The following ZC3H13 variants were observed in gnomAD, a reference collection of about 807,000 sequenced individuals.
The protein encoded by ZC3H13 is zinc finger CCCH-type containing 13.
A neutral mutation model predicts 204.1 loss-of-function variants in ZC3H13; 64 were observed. That is an observed-to-expected ratio of 0.31 (90% CI 0.26 to 0.39). ZC3H13 has a LOEUF of 0.39. Ranked by LOEUF, ZC3H13 falls within the 10% of genes least tolerant of loss-of-function variation. ZC3H13 has a pLI of 1.00. For missense variants in ZC3H13, 1,833 were observed against 2,082.7 expected (o/e 0.88, Z 2.33); for synonymous variants, 667 against 693.7 (o/e 0.96, Z 0.60).
chr13:46,010,232 A>T, intron 7 of ZC3H13, 116 bp downstream of exon 7: 1 of 1,081,460 alleles, frequency 9.2e-7, no homozygotes, highest in East Asian at 2.8e-5. Flanking sequence ...TTTAGAACAA[A>T]AAAGCTTACA....
chr13:46,045,529 A>C lies in ZC3H13; in HGVS notation c.-9-13T>G. On this transcript the variant is annotated splice_polypyrimidine_tract_variant and intron_variant, in intron 1 of 18. Coordinates refer to ENST00000679008, the MANE Select transcript of ZC3H13 (RefSeq NM_001330564.2). ...ACATTTTGTACTACTTCAACCAAAA[A>C]AGAAAGAGGCAAAACTGTAAAATTC... 2 of 1,583,572 alleles carry C rather than the reference A, an allele frequency of 1.3e-6. No individual in the cohort carries two copies. Among genetic ancestry groups the C allele is most frequent in the Middle Eastern group, 1.7e-4 (1 of 5,996 alleles).
intron 4 of ZC3H13, among the ~76,000 whole-genome samples, chr13:46,022,750 A>C (rs375388611): frequency 1.3e-5 from 2 of 151,340 alleles, no homozygotes; most frequent in African/African-American, 4.9e-5. Flanking sequence ...AAAGCATATT[A>C]AGTAGTACTA....
intron 7 of ZC3H13, among the ~76,000 whole-genome samples, chr13:46,005,863 G>A (rs991764231): frequency 2.6e-5 from 4 of 152,104 alleles, no homozygotes; most frequent in Non-Finnish European, 5.9e-5. Flanking sequence ...AAAGGCCAAG[G>A]TGGGCGGATC....
At chr13:45,958,843 A>AC (rs922167881) in intron 18 of ZC3H13, among the ~76,000 whole-genome samples, 1 of 151,872 alleles carries the variant, frequency 6.6e-6, no homozygotes, top group African/African-American at 2.4e-5. Flanking sequence ...TTTAGTAGAG[A>AC]CAGGGTTTCA....
chr13:45,994,358 A>AC (rs1353696020), intron 8 of ZC3H13, among the ~76,000 whole-genome samples: 1 of 152,080 alleles, frequency 6.6e-6, no homozygotes, highest in Non-Finnish European at 1.5e-5. Flanking sequence ...ACAGGGGTTG[A>AC]CCCCCTACCC....
chr13:46,009,360 A>G (rs1403735724), intron 7 of ZC3H13, among the ~76,000 whole-genome samples: 1 of 152,192 alleles, frequency 6.6e-6, no homozygotes, highest in Non-Finnish European at 1.5e-5. Context: ...TTTCTCTGAC[A>G]GCATCTACAA....
rs1303395112 is a variant in ZC3H13, at chr13:45,969,233, G to A, written c.3311C>T (p.Pro1104Leu). 1 of 1,613,942 alleles carries A rather than the reference G, an allele frequency of 6.2e-7. No individual in the cohort carries two copies. Among genetic ancestry groups the A allele is most frequent in the African/African-American group, 1.3e-5 (1 of 74,922 alleles). Residue 1104 changes from proline (P) to leucine (L), a missense_variant, in exon 14 of 19, where the codon CCA becomes CTA. Physicochemically the swap from Pro to Leu is moderately conservative, Grantham distance 98 (BLOSUM62 -3). Transcript: ENST00000679008. ...AGCAGTGGCAGTAGCCACAGGCGGT[G>A]GAGGAGGAAGAAGAGAAGATAGAGG... is the stretch of plus-strand genomic sequence containing the variant. ...PSPLSSLLPP[P>L]PPVATATATT...
chr13:45,988,749 C>A lies in ZC3H13; in HGVS notation c.1255+38G>T. On this transcript the variant is annotated intron_variant, in intron 9 of 18. Coordinates refer to ENST00000679008, the MANE Select transcript of ZC3H13 (RefSeq NM_001330564.2). ...TAGTACAACAATAAAGCTGGATGTT[C>A]AATTTTTCAATTAAAAAAATCAAAG... 2.6e-6 allele frequency: 4 copies of A among 1,558,666 alleles called. No individual in the cohort carries two copies. In the South Asian group the frequency reaches 4.9e-5, roughly 19 times the overall value.
chr13:46,034,940 C>T (rs1281089395), intron 4 of ZC3H13, among the ~76,000 whole-genome samples: 4 of 152,104 alleles, frequency 2.6e-5, no homozygotes, highest in Admixed American at 6.6e-5. Flanking sequence ...AGTATACACG[C>T]ATATATTTAT....
intron 1 of ZC3H13, 89 bp from the exon 2 acceptor site, chr13:46,045,605 G>T: frequency 1.2e-6 from 1 of 846,412 alleles, no homozygotes; most frequent in Non-Finnish European, 1.9e-6. Context: ...AAAACTATAG[G>T]TAACAGTGTA....
chr13:45,984,467 AATATT>A (rs2138180862), intron 10 of ZC3H13, among the ~76,000 whole-genome samples: 2 of 152,328 alleles, frequency 1.3e-5, no homozygotes, highest in Non-Finnish European at 2.9e-5. Context: ...ATTAATGAGA[AATATT>A]ATAAATTGAT....
chr13:46,013,781 C>G (rs528287754), intron 5 of ZC3H13, among the ~76,000 whole-genome samples: 2 of 152,134 alleles, frequency 1.3e-5, no homozygotes, highest in East Asian at 3.9e-4. Context: ...AGAAAAATAT[C>G]AAGTATAATT....
At chr13:46,028,640 T>C (rs531281358) in intron 4 of ZC3H13, among the ~76,000 whole-genome samples, 2 of 152,134 alleles carry the variant, frequency 1.3e-5, no homozygotes, top group East Asian at 3.9e-4. Flanking sequence ...ACTAGAAATC[T>C]GTAACAGAAA....
chr13:45,978,381 C>A (rs1953247998), intron 11 of ZC3H13, among the ~76,000 whole-genome samples: 1 of 152,004 alleles, frequency 6.6e-6, no homozygotes. Context: ...TCATACATCT[C>A]ATAATTATTG....
At chr13:46,052,174 C>G (rs957070359) in intron 1 of ZC3H13, among the ~76,000 whole-genome samples, 2 of 151,984 alleles carry the variant, frequency 1.3e-5, no homozygotes, top group East Asian at 3.9e-4. Context: ...GGGGTACAGC[C>G]TATTGTCTGA....
chr13:46,036,312 A>C (rs966553986), intron 4 of ZC3H13, among the ~76,000 whole-genome samples: 1 of 152,238 alleles, frequency 6.6e-6, no homozygotes, highest in African/African-American at 2.4e-5. Context: ...TTCAGTAATA[A>C]GACACCTGGA....
At chr13:46,028,586 A>G (rs1054036387) in intron 4 of ZC3H13, among the ~76,000 whole-genome samples, 5 of 152,234 alleles carry the variant, frequency 3.3e-5, no homozygotes, top group Admixed American at 6.5e-5. Flanking sequence ...TAACAAATGT[A>G]AAAGAAATCA....
At chr13:45,966,137 GGTGAGTTAGTT>G (rs1162284356) in intron 15 of ZC3H13, among the ~76,000 whole-genome samples, 4 of 151,846 alleles carry the variant, frequency 2.6e-5, no homozygotes, top group Admixed American at 6.6e-5. Flanking sequence ...TTTGTCTCTT[GGTGAGTTAGTT>G]GTGAACTTAA....
rs763282946 is a variant in ZC3H13 at position 46,045,418 on chromosome 13, A to G, written c.90T>C (p.Leu30=). The G allele has an allele frequency of 6.2e-7, 1 of 1,614,128 alleles. No individual in the cohort carries two copies. The highest frequency in any genetic ancestry group is 1.1e-5 in the South Asian group (1 of 91,084). Residue 30 remains leucine, a synonymous_variant, in exon 2 of 19, where the codon CTT becomes CTC. Transcript: ENST00000679008. Reference sequence around the variant, plus strand: ...CTGCTGTACTGCCAGTGCTGGGTCCAAGCCTCTCAAATACACTGGGTCTTC... The same window carrying G: ...CTGCTGTACTGCCAGTGCTGGGTCCGAGCCTCTCAAATACACTGGGTCTTC... The part of the protein sequence containing the change: ...TSRRPSVFER[L]GPSTGSTAET...
Sources: allele counts gnomAD v4.1 joint callset (sites outside exome capture counted in the v4.1 genomes callset), GRCh38; gene constraint gnomAD v4.1.1; transcripts MANE v1.5; gene names NCBI Gene and HGNC (gene_info 2026-07-23, HGNC 2026-07-21).